Variants in GALNTL6 observed in about 807,000 individuals in gnomAD.
The protein encoded by GALNTL6 is polypeptide N-acetylgalactosaminyltransferase like 6.
GALNTL6 carries 46 observed loss-of-function variants against 73.7 expected under a neutral mutation model. The observed-to-expected ratio is 0.62, with a 90% CI of 0.49 to 0.80. The LOEUF is 0.80. Ranked by LOEUF, GALNTL6 falls within the 30% of genes least tolerant of loss-of-function variation. The pLI is 0.00. For synonymous variants in GALNTL6, 259 were observed against 263.7 expected (o/e 0.98, Z 0.17); for missense variants, 604 against 755.0 (o/e 0.80, Z 2.34).
chr4:172,895,377 GTTTTT>G (rs1471043946), intron 8 of GALNTL6, among the ~76,000 whole-genome samples: 1 of 143,562 alleles, frequency 7.0e-6, no homozygotes, highest in Non-Finnish European at 1.5e-5. Flanking sequence ...CATTTTTAGT[GTTTTT>G]GTTATATATA....
intron 5 of GALNTL6, among the ~76,000 whole-genome samples, chr4:172,556,467 GTTAAATATCAATT>G (rs1736145594): frequency 3.3e-5 from 5 of 152,038 alleles, no homozygotes; most frequent in African/African-American, 1.2e-4. Context: ...AAGACATCCA[GTTAAATATCAATT>G]TTGAGTAACA....
intron 5 of GALNTL6, among the ~76,000 whole-genome samples, chr4:172,613,094 C>T (rs1197071296): frequency 1.3e-5 from 2 of 152,074 alleles, no homozygotes; most frequent in Non-Finnish European, 1.5e-5. Flanking sequence ...GTGCTAGACA[C>T]TGGAATCAAC....
chr4:172,446,662 A>G (rs1215487821), intron 5 of GALNTL6, among the ~76,000 whole-genome samples: 1 of 152,250 alleles, frequency 6.6e-6, no homozygotes, highest in Non-Finnish European at 1.5e-5. Context: ...GGCCTCATGG[A>G]CCTCACCATA....
At chr4:172,177,691 C>T (rs921984837) in intron 2 of GALNTL6, among the ~76,000 whole-genome samples, 2 of 138,590 alleles carry the variant, frequency 1.4e-5, no homozygotes, top group Non-Finnish European at 3.1e-5. Context: ...TAACACTGAA[C>T]TAATAGTAAT....
At chr4:172,427,832 T>C (rs1731288212) in intron 5 of GALNTL6, among the ~76,000 whole-genome samples, 1 of 152,146 alleles carries the variant, frequency 6.6e-6, no homozygotes, top group Non-Finnish European at 1.5e-5. Context: ...AAAGATACCA[T>C]CTTAACAGAT....
chr4:171,948,466 T>G (rs1738769661), intron 2 of GALNTL6, among the ~76,000 whole-genome samples: 1 of 152,184 alleles, frequency 6.6e-6, no homozygotes, highest in Non-Finnish European at 1.5e-5. Flanking sequence ...GAAACTTCTG[T>G]GTAATTTAGG....
chr4:172,343,488 GTAATTAAAATT>G (rs2111205667), intron 4 of GALNTL6, among the ~76,000 whole-genome samples: 1 of 152,132 alleles, frequency 6.6e-6, no homozygotes, highest in African/African-American at 2.4e-5. Flanking sequence ...TCAAGTATTT[GTAATTAAAATT>G]TATTTTGTGG....
rs1031937066 is a variant in GALNTL6, at chr4:172,681,081, G to T, written c.554-128280G>T. 3.3e-5 allele frequency among the ~76,000 whole-genome samples: 5 copies of T among 152,234 alleles called. No individual in the cohort carries two copies. The East Asian group carries it at 9.7e-4, about 29-fold the overall frequency. On this transcript the variant is annotated intron_variant, in intron 5 of 12. Transcript: ENST00000506823. ...ATTGAAGGGACCCTTAGGTGCCCTT[G>T]CCTCTGGTTCTGAATGGAGGCTTTC...
intron 5 of GALNTL6, among the ~76,000 whole-genome samples, chr4:172,437,745 C>T (rs1731685641): frequency 3.3e-5 from 5 of 152,104 alleles, no homozygotes; most frequent in Non-Finnish European, 7.4e-5. Context: ...AGACCCTTAT[C>T]TAAATTTATC....
At chr4:172,062,170 T>G (rs1178130919) in intron 2 of GALNTL6, among the ~76,000 whole-genome samples, 1 of 151,884 alleles carries the variant, frequency 6.6e-6, no homozygotes, top group African/African-American at 2.4e-5. Flanking sequence ...TGGCCAGGCT[T>G]GTCTTGAATT....
At chr4:172,221,807 T>C (rs916639805) in intron 2 of GALNTL6, among the ~76,000 whole-genome samples, 2 of 151,824 alleles carry the variant, frequency 1.3e-5, no homozygotes, top group African/African-American at 2.4e-5. Context: ...CTACATCATA[T>C]GCTTAGATGG....
chr4:172,882,211 A>G (rs954198786), intron 7 of GALNTL6, among the ~76,000 whole-genome samples: 3 of 152,168 alleles, frequency 2.0e-5, no homozygotes, highest in Non-Finnish European at 4.4e-5. Flanking sequence ...AATAGTATAA[A>G]ATGAAAAGAC....
chr4:172,184,849 G>A (rs1735369171), intron 2 of GALNTL6, among the ~76,000 whole-genome samples: 1 of 152,186 alleles, frequency 6.6e-6, no homozygotes, highest in South Asian at 2.1e-4. Context: ...GAGAGAGTGT[G>A]TTTTAAAGGG....
At chr4:173,033,297 C>T (rs930212629) in intron 12 of GALNTL6, among the ~76,000 whole-genome samples, 2 of 151,714 alleles carry the variant, frequency 1.3e-5, no homozygotes, top group African/African-American at 4.9e-5. Flanking sequence ...GCCACTGTGC[C>T]CAGCCAAGAA....
At chr4:171,835,451 A>G (rs1360382209) in intron 2 of GALNTL6, among the ~76,000 whole-genome samples, 2 of 151,352 alleles carry the variant, frequency 1.3e-5, no homozygotes, top group Admixed American at 6.6e-5. Flanking sequence ...ATTTATAACT[A>G]TAGCAATAGT....
chr4:172,483,579 C>T (rs1733569303), intron 5 of GALNTL6, among the ~76,000 whole-genome samples: 1 of 152,118 alleles, frequency 6.6e-6, no homozygotes, highest in Non-Finnish European at 1.5e-5. Flanking sequence ...TCATTTGCAG[C>T]AGTGTCTAAA....
intron 7 of GALNTL6, among the ~76,000 whole-genome samples, chr4:172,819,589 A>G (rs554615096): frequency 1.3e-5 from 2 of 152,264 alleles, no homozygotes; most frequent in South Asian, 4.1e-4. Context: ...TTTCTTTCAC[A>G]CGTGATGAAG....
chr4:172,737,442 C>A (rs1343245475), intron 5 of GALNTL6, among the ~76,000 whole-genome samples: 3 of 152,000 alleles, frequency 2.0e-5, no homozygotes, highest in Non-Finnish European at 4.4e-5. Flanking sequence ...CAATATATTT[C>A]ATAGTTGCAA....
chr4:171,909,649 C>G (rs538042373), intron 2 of GALNTL6, among the ~76,000 whole-genome samples: 1 of 152,032 alleles, frequency 6.6e-6, no homozygotes, highest in East Asian at 1.9e-4. Context: ...ATATTTGACT[C>G]GAAAGTTTGC....
Sources: allele counts gnomAD v4.1 joint callset (sites outside exome capture counted in the v4.1 genomes callset), GRCh38; gene constraint gnomAD v4.1.1; transcripts MANE v1.5; gene names NCBI Gene and HGNC (gene_info 2026-07-23, HGNC 2026-07-21).